The following DOK2 variants were observed in gnomAD, a reference collection of about 807,000 sequenced individuals.
DOK2 encodes docking protein 2.
In DOK2, 28 loss-of-function variants were observed where a neutral mutation model predicts 26.0. That is an observed-to-expected ratio of 1.08 (90% CI 0.80 to 1.48). DOK2 has a LOEUF of 1.48. Among genes scored for constraint, DOK2 ranks in the 40% most tolerant of loss-of-function variants. The pLI is 0.00. For missense variants in DOK2, 682 were observed against 558.2 expected, an observed-to-expected ratio of 1.22 and a Z score of -2.23; for synonymous variants, 282 against 236.9, an observed-to-expected ratio of 1.19 and a Z score of -1.75.
chr8:21,913,655 T>G lies in DOK2; in HGVS notation c.-54A>C. ...CAGCTCTCTCCTTCACTCCTGCCCT[T>G]GCCTCTCTCTTCTTAGCCGTGTGTT... On this transcript the variant is annotated 5_prime_UTR_variant, in exon 1 of 5. Transcript: ENST00000276420. The G allele has an allele frequency of 6.3e-7, 1 of 1,598,394 alleles. No homozygotes were observed. The highest frequency in any genetic ancestry group is 1.7e-4 in the Middle Eastern group (1 of 6,036).
In DOK2 at chr8:21,910,938, A is replaced by C. The variant is rs1021173923; in HGVS notation, c.434-81T>G. Reference sequence around the variant, plus strand: ...CCTCACCACTGCCCAGTTCTAAATGAGCGTACCAGAACTTTTCTAGAAAGT... The same window carrying C: ...CCTCACCACTGCCCAGTTCTAAATGCGCGTACCAGAACTTTTCTAGAAAGT... On this transcript the variant is annotated intron_variant, in intron 3 of 4. Transcript: ENST00000276420. 2.1e-6 allele frequency: 3 copies of C among 1,429,374 alleles called. No individual in the cohort carries two copies. The African/African-American group carries it at 4.3e-5, about 20-fold the overall frequency. The allele number at this position is 1,429,374 out of a possible 1,614,324, so 88.5% of individuals were successfully genotyped here.
At chr8:21,912,775 C>G (rs924718785) in intron 1 of DOK2, among the ~76,000 whole-genome samples, 2 of 152,178 alleles carry the variant, frequency 1.3e-5, no homozygotes, top group African/African-American at 4.8e-5. Flanking sequence ...AAAGCAACGC[C>G]GGGATGAGCC....
At chr8:21,913,219 C>A (rs1809924554) in intron 1 of DOK2, among the ~76,000 whole-genome samples, 1 of 152,180 alleles carries the variant, frequency 6.6e-6, no homozygotes, top group Non-Finnish European at 1.5e-5. Context: ...CCTTCCATTC[C>A]CTTCCAAGGT....
In DOK2 at chr8:21,909,627, C is replaced by G. The variant is rs765503674; in HGVS notation, c.923G>C (p.Arg308Pro). The G allele has an allele frequency of 5.0e-6, 8 of 1,613,450 alleles. No individual in the cohort carries two copies. Among genetic ancestry groups the G allele is most frequent in the Non-Finnish European group, 6.8e-6 (8 of 1,180,038 alleles). The change falls in exon 5 of 5, where the codon CGT (arginine) becomes CCT (proline). Residue 308 changes from arginine to proline, a missense_variant. Transcript: ENST00000276420. ...EYAVPFDAVA[R>P]SLGKNFRGIL... ...GCCCCTGAAGTTCTTCCCCAAGGAA[C>G]GGGCCACCGCATCGAAGGGCACGGC...
rs1167462512 is a variant in DOK2, at chr8:21,912,529, A to C, written c.64-19T>G. On this transcript the variant is annotated intron_variant, in intron 1 of 4. Coordinates refer to ENST00000276420, the MANE Select transcript of DOK2 (RefSeq NM_003974.4). Reference sequence around the variant, plus strand: ...GCCATTTCTGTGCCAGAGGCGTGGGAGGCGGGGGCGGGAGGGAGCCACCCA... The same window carrying C: ...GCCATTTCTGTGCCAGAGGCGTGGGCGGCGGGGGCGGGAGGGAGCCACCCA... The C allele has an allele frequency of 2.7e-6, 4 of 1,463,270 alleles. No individual in the cohort carries two copies. The South Asian group carries it at 5.3e-5, about 19-fold the overall frequency. The allele number at this position is 1,463,270 out of a possible 1,614,324, so 90.6% of individuals were successfully genotyped here.
At chr8:21,911,456 A>C (rs1197972922) in intron 3 of DOK2, among the ~76,000 whole-genome samples, 2 of 152,030 alleles carry the variant, frequency 1.3e-5, no homozygotes, top group Admixed American at 1.3e-4. Flanking sequence ...AAAATACAAA[A>C]AATTAGCCAG....
intron 4 of DOK2, 39 bp from the exon 5 acceptor site, chr8:21,909,970 G>T: frequency 6.5e-7 from 1 of 1,534,796 alleles, no homozygotes. Context: ...CCAGGCCACA[G>T]GGCAGGGGTG....
chr8:21,912,211 G>A lies in DOK2; in HGVS notation c.345+18C>T, dbSNP rs1447925633. 3 of 1,538,054 alleles carry A rather than the reference G, an allele frequency of 2.0e-6. No individual in the cohort carries two copies. Among genetic ancestry groups the A allele is most frequent in the African/African-American group, 2.7e-5 (2 of 73,070 alleles). On this transcript the variant is annotated intron_variant, in intron 2 of 4. Transcript: ENST00000276420. ...GCCTGCACGCCCCCTTGCCCTTTCC[G>A]CACCCCGCGCGACTCACGGGGAAGG...
chr8:21,912,185 G>A, intron 2 of DOK2, 44 bp downstream of exon 2: 1 of 1,504,578 alleles, frequency 6.6e-7, no homozygotes, highest in Non-Finnish European at 8.9e-7. Flanking sequence ...TAACACCCTC[G>A]GCCTGCACGC....
At chr8:21,911,848 CT>C in intron 3 of DOK2, 52 bp downstream of exon 3, 1 of 1,519,418 alleles carries the variant, frequency 6.6e-7, no homozygotes, top group Non-Finnish European at 8.8e-7. Context: ...TCCTCTCCAC[CT>C]CACCCTGGGG....
chr8:21,910,982 G>C (rs1270808558), intron 3 of DOK2, 125 bp from the exon 4 acceptor site: 3 of 1,135,784 alleles, frequency 2.6e-6, no homozygotes, highest in African/African-American at 3.1e-5. Context: ...CACACTTATG[G>C]CCCCCTGCCT....
At chr8:21,913,284 A>G (rs1809927658) in intron 1 of DOK2, among the ~76,000 whole-genome samples, 1 of 152,288 alleles carries the variant, frequency 6.6e-6, no homozygotes, top group Middle Eastern at 3.4e-3. Flanking sequence ...CAAGAGATGA[A>G]AGCAGCACAT....
intron 4 of DOK2, 34 bp from the exon 5 acceptor site, chr8:21,909,965 C>T (rs1295877570): frequency 3.8e-6 from 6 of 1,578,548 alleles, no homozygotes; most frequent in Non-Finnish European, 5.1e-6. Context: ...ATTGGCCAGG[C>T]CACAGGGCAG....
chr8:21,912,224 C>T lies in DOK2; in HGVS notation c.345+5G>A. On this transcript the variant is annotated splice_donor_5th_base_variant and intron_variant, in intron 2 of 4. Transcript: ENST00000276420. Reference sequence around the variant, plus strand: ...CTTGCCCTTTCCGCACCCCGCGCGACTCACGGGGAAGGCCAGGAGGCAGAT... The same window carrying T: ...CTTGCCCTTTCCGCACCCCGCGCGATTCACGGGGAAGGCCAGGAGGCAGAT... 1 of 1,554,752 alleles carries T rather than the reference C, an allele frequency of 6.4e-7. No individual in the cohort carries two copies.
At position 21,909,448 on chromosome 8, in the gene DOK2, A is replaced by G. The variant is rs1173591031; in HGVS notation, c.1102T>C (p.Trp368Arg). Residue 368 changes from tryptophan (W) to arginine (R), a missense_variant, in exon 5 of 5, where the codon TGG (tryptophan) becomes CGG (arginine). Coordinates refer to ENST00000276420, the MANE Select transcript of DOK2 (RefSeq NM_003974.4). ...CTGTCAGCTGTCGCCTGCCTCCTCC[A>G]TGCCTCACCCCGGGGCTCCTGCGGG... ...DSPQEPRGEA[W>R]RRQATADRDP... 6.2e-7 allele frequency: 1 copy of G among 1,613,282 alleles called. No individual in the cohort carries two copies. Among genetic ancestry groups the G allele is most frequent in the Non-Finnish European group, 8.5e-7 (1 of 1,179,498 alleles).
chr8:21,910,057 C>A (rs929871864), intron 4 of DOK2, 126 bp from the exon 5 acceptor site: 1 of 1,113,022 alleles, frequency 9.0e-7, no homozygotes, highest in Admixed American at 2.8e-5. Flanking sequence ...TCTCAGCTCA[C>A]TGCAACCTCC....
chr8:21,912,683 A>C, intron 1 of DOK2, 173 bp from the exon 2 acceptor site: 1 of 641,158 alleles, frequency 1.6e-6, no homozygotes. Flanking sequence ...GAGGACAGTG[A>C]CTGCAGGAAT....
Position 21,910,868 on chromosome 8 carries a change from G to C in DOK2, c.434-11C>G, listed in dbSNP as rs754293546. ...CCTTGTGGGGGCCGACTGGGGAGAAGAAGAGAGAGAAGGCGAAGGCAGTTA... is the reference window on the plus strand; with the variant it reads ...CCTTGTGGGGGCCGACTGGGGAGAACAAGAGAGAGAAGGCGAAGGCAGTTA... On this transcript the variant is annotated splice_polypyrimidine_tract_variant and intron_variant, in intron 3 of 4. Coordinates refer to ENST00000276420, the MANE Select transcript of DOK2 (RefSeq NM_003974.4). 1.1e-5 allele frequency: 17 copies of C among 1,590,686 alleles called. No homozygotes were observed. The highest frequency in any genetic ancestry group is 1.5e-5 in the Non-Finnish European group (17 of 1,167,580).
chr8:21,911,793 C>T (rs1309072420), intron 3 of DOK2, 108 bp downstream of exon 3: 1 of 1,264,806 alleles, frequency 7.9e-7, no homozygotes, highest in Non-Finnish European at 1.1e-6. Flanking sequence ...TGGGGATAAC[C>T]ACAAGGCAGG....
Sources: allele counts gnomAD v4.1 joint callset (sites outside exome capture counted in the v4.1 genomes callset), GRCh38; gene constraint gnomAD v4.1.1; transcripts MANE v1.5; gene names NCBI Gene and HGNC (gene_info 2026-07-23, HGNC 2026-07-21).